The following PPP3CA variants were observed in gnomAD, a reference collection of about 807,000 sequenced individuals.
PPP3CA encodes the protein protein phosphatase 3 catalytic subunit alpha.
A neutral mutation model predicts 66.5 loss-of-function variants in PPP3CA; 14 were observed. The observed-to-expected ratio is 0.21, with a 90% CI of 0.14 to 0.33. PPP3CA has a LOEUF of 0.33. Ranked by LOEUF, PPP3CA falls within the 10% of genes least tolerant of loss-of-function variation. PPP3CA has a pLI of 1.00. For synonymous variants in PPP3CA, 232 were observed against 226.2 expected (o/e 1.03, Z -0.23); for missense variants, 317 against 639.5 (o/e 0.50, Z 5.44).
intron 8 of PPP3CA, among the ~76,000 whole-genome samples, chr4:101,071,741 T>C (rs1464086257): frequency 6.6e-6 from 1 of 152,150 alleles, no homozygotes; most frequent in Non-Finnish European, 1.5e-5. Flanking sequence ...ATCCTGTAAT[T>C]CTATAGGCAA....
chr4:101,337,059 A>G (rs975253560), intron 1 of PPP3CA, among the ~76,000 whole-genome samples: 2 of 152,234 alleles, frequency 1.3e-5, no homozygotes, highest in East Asian at 1.9e-4. Context: ...TCAAAATGCC[A>G]TAATTTTAGG....
chr4:101,191,491 A>G (rs1457623222), intron 2 of PPP3CA, among the ~76,000 whole-genome samples: 1 of 152,206 alleles, frequency 6.6e-6, no homozygotes, highest in Non-Finnish European at 1.5e-5. Context: ...ACTTGCCAGC[A>G]GTGGGCTGGG....
At chr4:101,098,674 ATAT>A (rs1730306934) in intron 4 of PPP3CA, among the ~76,000 whole-genome samples, 162 bp from the exon 5 acceptor site, 1 of 152,098 alleles carries the variant, frequency 6.6e-6, no homozygotes. Flanking sequence ...TGAAAGTAAC[ATAT>A]TAATCTTTTA....
In PPP3CA at chr4:101,025,676, AAT is replaced by A; in HGVS notation, c.*187_*188del. 1.0e-5 allele frequency: 5 copies of A among 483,818 alleles called. No individual in the cohort carries two copies. 30.0% of individuals were successfully genotyped at this position (483,818 alleles called of 1,614,324 possible). A position where few individuals can be genotyped will look rare whatever the true frequency, so the allele number is the denominator to read the frequency against. On this transcript the variant is annotated 3_prime_UTR_variant, in exon 14 of 14. Transcript: ENST00000394854. ...GGTGTTTAATCACCATCCCCACCAA[AAT>A]ATAGTTTATTATCTCTCTCCCTCTT... is the stretch of plus-strand genomic sequence containing the variant.
intron 1 of PPP3CA, among the ~76,000 whole-genome samples, chr4:101,344,624 T>C (rs1310318972): frequency 6.6e-6 from 1 of 152,198 alleles, no homozygotes; most frequent in Non-Finnish European, 1.5e-5. Flanking sequence ...TGAAAAGTCA[T>C]TTATAATGGT....
intron 13 of PPP3CA, 94 bp from the exon 14 acceptor site, chr4:101,026,155 A>C: frequency 9.5e-7 from 1 of 1,053,758 alleles, no homozygotes; most frequent in South Asian, 1.6e-5. Flanking sequence ...GAGATTTCTC[A>C]GTGAGAGGGA....
At chr4:101,154,623 G>A (rs996684491) in intron 2 of PPP3CA, among the ~76,000 whole-genome samples, 1 of 152,022 alleles carries the variant, frequency 6.6e-6, no homozygotes, top group Admixed American at 6.5e-5. Context: ...TTGCTGCTTA[G>A]ACTCTACCCA....
chr4:101,221,461 T>C (rs1054114784), intron 1 of PPP3CA, among the ~76,000 whole-genome samples: 11 of 19,276 alleles, frequency 5.7e-4, no homozygotes, highest in Non-Finnish European at 2.4e-3. Context: ...AAACGCATAT[T>C]TTGAGAAGTA....
chr4:101,046,071 A>G (rs1194749143), intron 10 of PPP3CA, among the ~76,000 whole-genome samples: 1 of 152,210 alleles, frequency 6.6e-6, no homozygotes, highest in African/African-American at 2.4e-5. Flanking sequence ...TTTATGTAAC[A>G]GGGGAGGATG....
intron 2 of PPP3CA, among the ~76,000 whole-genome samples, chr4:101,111,909 C>T (rs764147207): frequency 1.3e-5 from 2 of 152,126 alleles, no homozygotes; most frequent in Admixed American, 6.6e-5. Flanking sequence ...CAGAATAGAA[C>T]TCCGGTGCTT....
At chr4:101,058,659 C>T (rs1387094152) in intron 10 of PPP3CA, among the ~76,000 whole-genome samples, 1 of 152,144 alleles carries the variant, frequency 6.6e-6, no homozygotes, top group East Asian at 1.9e-4. Flanking sequence ...TTGATTAGAA[C>T]TAATTATTTT....
intron 2 of PPP3CA, among the ~76,000 whole-genome samples, chr4:101,136,530 G>A (rs939541145): frequency 6.8e-5 from 10 of 147,166 alleles, no homozygotes; most frequent in African/African-American, 2.6e-4. Context: ...GACAGAACGA[G>A]ACTCCGCCTC....
chr4:101,143,301 C>T (rs1722868182), intron 2 of PPP3CA, among the ~76,000 whole-genome samples: 1 of 152,136 alleles, frequency 6.6e-6, no homozygotes, highest in African/African-American at 2.4e-5. Flanking sequence ...ATTATTTACT[C>T]CCTTTCTTCT....
intron 1 of PPP3CA, among the ~76,000 whole-genome samples, chr4:101,304,375 T>G (rs1045203465): frequency 6.6e-5 from 10 of 152,212 alleles, no homozygotes; most frequent in Non-Finnish European, 1.5e-5. Context: ...AGGTTCACTA[T>G]GTACTGGAAC....
At chr4:101,179,312 C>T (rs115580441) in intron 2 of PPP3CA, among the ~76,000 whole-genome samples, 3,807 of 152,152 alleles carry the variant, frequency 0.025, 66 homozygotes, top group Non-Finnish European at 0.041. Context: ...AGGTTTGCCA[C>T]CCTTTGGATA....
chr4:101,057,896 A>G (rs111804197), intron 10 of PPP3CA, among the ~76,000 whole-genome samples: 2,333 of 152,242 alleles, frequency 0.015, 59 homozygotes, highest in African/African-American at 0.052. Flanking sequence ...GCAAAGCCCA[A>G]TCAGGCAGAA....
At chr4:101,098,107 A>T (rs1335601326) in intron 5 of PPP3CA, among the ~76,000 whole-genome samples, 4 of 152,198 alleles carry the variant, frequency 2.6e-5, no homozygotes, top group African/African-American at 9.6e-5. Context: ...TATTTTTTTT[A>T]GAGGTCAAAT....
At chr4:101,241,630 A>G (rs1056383675) in intron 1 of PPP3CA, among the ~76,000 whole-genome samples, 17 of 152,120 alleles carry the variant, frequency 1.1e-4, no homozygotes, top group African/African-American at 3.1e-4. Flanking sequence ...TAAAGACTAG[A>G]AATATTAACC....
intron 1 of PPP3CA, among the ~76,000 whole-genome samples, chr4:101,258,620 T>C (rs1296389080): frequency 6.6e-6 from 1 of 152,104 alleles, no homozygotes; most frequent in Non-Finnish European, 1.5e-5. Context: ...TTTTTTTCTC[T>C]TTCTTGTTTA....
Sources: gnomAD v4.1 joint callset for allele counts (sites outside exome capture counted in the v4.1 genomes callset) on GRCh38, gnomAD v4.1.1 for gene constraint, MANE v1.5 for transcripts, NCBI Gene and HGNC (gene_info 2026-07-23, HGNC 2026-07-21) for gene names.